The following SAMSN1 variants were observed in gnomAD, a reference collection of about 807,000 sequenced individuals.
The protein encoded by SAMSN1 is SAM domain, SH3 domain and nuclear localization signals 1.
In SAMSN1, 31 loss-of-function variants were observed where a neutral mutation model predicts 42.0. The ratio of observed to expected loss-of-function variants is 0.74; its 90% CI spans 0.55 to 1.00. The LOEUF (loss-of-function observed/expected upper bound fraction) is 1.00, where lower values mean the gene tolerates loss of function less well. Among genes scored for constraint, SAMSN1 ranks in the 50% least tolerant of loss-of-function variants. The pLI is 0.00. For synonymous variants in SAMSN1, 178 were observed against 151.9 expected (o/e 1.17, Z -1.26); for missense variants, 464 against 439.4 (o/e 1.06, Z -0.50).
At chr21:14,581,983 A>C (rs1319152403) in intron 2 of SAMSN1, among the ~76,000 whole-genome samples, 1 of 152,220 alleles carries the variant, frequency 6.6e-6, no homozygotes, top group Middle Eastern at 3.2e-3. Context: ...AAAAGTCACA[A>C]GAGTTTGGTT....
At chr21:14,580,785 T>A (rs1203606756) in intron 2 of SAMSN1, among the ~76,000 whole-genome samples, 1 of 152,206 alleles carries the variant, frequency 6.6e-6, no homozygotes, top group Non-Finnish European at 1.5e-5. Flanking sequence ...AAATATGTTA[T>A]AAAATGTAGC....
chr21:14,597,024 CAT>C (rs1982286884), intron 6 of SAMSN1, among the ~76,000 whole-genome samples: 2 of 152,120 alleles, frequency 1.3e-5, no homozygotes, highest in East Asian at 3.8e-4. Flanking sequence ...AAATAAGAAA[CAT>C]TGATCAATAC....
intron 2 of SAMSN1, among the ~76,000 whole-genome samples, chr21:14,620,853 AAC>A (rs1982983209): frequency 6.6e-6 from 1 of 152,226 alleles, no homozygotes; most frequent in South Asian, 2.1e-4. Flanking sequence ...CATGGGTACA[AAC>A]ACATATGTAA....
At position 14,560,655 on chromosome 21, in the gene SAMSN1, G is replaced by C. The variant is rs545608235; in HGVS notation, c.261+21481C>G. On this transcript the variant is annotated intron_variant, in intron 2 of 8. Transcript: ENST00000285670. ...GCTTTAGAAATTTTGAAAACTGGAA[G>C]AAAGGTATATCTCTCTATTTCCCAT... Among the ~76,000 whole-genome samples the C allele has an allele frequency of 3.9e-5, 6 of 152,328 alleles. No homozygotes were observed. In the East Asian group the frequency reaches 1.2e-3, roughly 29 times the overall value.
chr21:14,499,617 CTG>C (rs1179828870), intron 6 of SAMSN1, among the ~76,000 whole-genome samples: 1 of 151,846 alleles, frequency 6.6e-6, no homozygotes, highest in Non-Finnish European at 1.5e-5. Context: ...AACCATTTAA[CTG>C]TGCATTCTTG....
At chr21:14,577,281 TATA>T (rs201877631) in intron 2 of SAMSN1, among the ~76,000 whole-genome samples, 597 of 54,788 alleles carry the variant, frequency 0.011, 27 homozygotes, top group Non-Finnish European at 0.014. Context: ...TATATATATA[TATA>T]TTTTTTTTTT....
intron 2 of SAMSN1, among the ~76,000 whole-genome samples, chr21:14,572,638 A>G (rs1983537): frequency 6.6e-6 from 1 of 152,076 alleles, no homozygotes; most frequent in African/African-American, 2.4e-5. Context: ...TGCCTAATTC[A>G]TAGAGCTAGT....
At chr21:14,517,096 T>A in intron 2 of SAMSN1, 55 bp from the exon 3 acceptor site, 1 of 1,487,024 alleles carries the variant, frequency 6.7e-7, no homozygotes, top group Non-Finnish European at 9.2e-7. Context: ...AAAACATTGA[T>A]CTGAAATCAC....
At chr21:14,495,493 T>C (rs1986881023) in intron 7 of SAMSN1, among the ~76,000 whole-genome samples, 1 of 152,182 alleles carries the variant, frequency 6.6e-6, no homozygotes, top group African/African-American at 2.4e-5. Context: ...AAGATTAAAA[T>C]AAGAAAAATC....
At chr21:14,569,281 C>A (rs1295278972) in intron 2 of SAMSN1, among the ~76,000 whole-genome samples, 2 of 152,234 alleles carry the variant, frequency 1.3e-5, no homozygotes, top group Middle Eastern at 3.4e-3. Context: ...GGCAACAGAG[C>A]AAGACCCTAT....
intron 1 of SAMSN1, among the ~76,000 whole-genome samples, chr21:14,648,421 G>T (rs1401454902): frequency 6.6e-6 from 1 of 152,096 alleles, no homozygotes; most frequent in Non-Finnish European, 1.5e-5. Flanking sequence ...TGACAAATGG[G>T]ATCTAATTAA....
At chr21:14,495,318 G>A (rs1241980295) in intron 7 of SAMSN1, among the ~76,000 whole-genome samples, 1 of 152,202 alleles carries the variant, frequency 6.6e-6, no homozygotes, top group Non-Finnish European at 1.5e-5. Context: ...AGCCAGTATG[G>A]TGCCAAATCA....
At chr21:14,583,062 G>A (rs1183489921) in intron 1 of SAMSN1, among the ~76,000 whole-genome samples, 1 of 152,062 alleles carries the variant, frequency 6.6e-6, no homozygotes, top group African/African-American at 2.4e-5. Context: ...ATTTAAAAAA[G>A]CCATATCTGT....
intron 6 of SAMSN1, among the ~76,000 whole-genome samples, chr21:14,596,974 A>G (rs953184243): frequency 1.3e-5 from 2 of 152,200 alleles, no homozygotes; most frequent in Non-Finnish European, 2.9e-5. Context: ...GATTTGTAAT[A>G]CAATAGTTAA....
At chr21:14,550,029 G>C (rs1020490932), upstream of SAMSN1, among the ~76,000 whole-genome samples, 2 of 152,020 alleles carry the variant, frequency 1.3e-5, no homozygotes, top group Non-Finnish European at 2.9e-5. Flanking sequence ...TCAGATGTTG[G>C]TGCCAAGCTA....
intron 2 of SAMSN1, among the ~76,000 whole-genome samples, chr21:14,632,978 C>A (rs1001734714): frequency 6.6e-6 from 1 of 152,174 alleles, no homozygotes; most frequent in Admixed American, 6.5e-5. Flanking sequence ...GTCTGCTAGC[C>A]CGTCTTTTGT....
chr21:14,556,395 T>C (rs1298120557), intron 2 of SAMSN1, among the ~76,000 whole-genome samples: 1 of 152,206 alleles, frequency 6.6e-6, no homozygotes, highest in Admixed American at 6.5e-5. Flanking sequence ...TTACGGTGGA[T>C]GTTTTTAATG....
chr21:14,586,167 G>A (rs757571304), upstream of SAMSN1, among the ~76,000 whole-genome samples: 30 of 146,852 alleles, frequency 2.0e-4, no homozygotes, highest in Admixed American at 7.0e-5. Flanking sequence ...GGAGGCTGAG[G>A]CAGGAGAATT....
intron 1 of SAMSN1, among the ~76,000 whole-genome samples, chr21:14,644,019 G>A (rs1015909746): frequency 1.3e-5 from 2 of 152,198 alleles, no homozygotes; most frequent in African/African-American, 4.8e-5. Context: ...ATGGTCCAAG[G>A]TTGAGTGCCT....
Sources: allele counts gnomAD v4.1 joint callset (sites outside exome capture counted in the v4.1 genomes callset), GRCh38; gene constraint gnomAD v4.1.1; transcripts MANE v1.5; gene names NCBI Gene and HGNC (gene_info 2026-07-23, HGNC 2026-07-21).